GRAMD2B: variants seen among roughly 807,000 people sequenced by gnomAD.
GRAMD2B encodes the protein GRAM domain-containing protein 2B.
A neutral mutation model predicts 59.2 loss-of-function variants in GRAMD2B; 41 were observed. The ratio of observed to expected loss-of-function variants is 0.69; its 90% confidence interval spans 0.54 to 0.90. The LOEUF (loss-of-function observed/expected upper bound fraction) is 0.90. Among genes scored for constraint, GRAMD2B ranks in the 40% least tolerant of loss-of-function variants. The probability of loss-of-function intolerance (pLI) is 0.00; values close to 1 mark genes in which losing one functional copy is unlikely to be tolerated. For missense variants in GRAMD2B, 424 were observed against 500.5 expected (o/e 0.85, Z 1.46); for synonymous variants, 161 against 182.7 (o/e 0.88, Z 0.96).
At chr5:126,370,792 T>C (rs988802296), upstream of GRAMD2B, among the ~76,000 whole-genome samples, 1 of 152,242 alleles carries the variant, frequency 6.6e-6, no homozygotes, top group African/African-American at 2.4e-5. Context: ...TGTTACTGTT[T>C]GGGTACAAGT....
chr5:126,485,295 G>A (rs1173684265), intron 10 of GRAMD2B, among the ~76,000 whole-genome samples: 1 of 152,138 alleles, frequency 6.6e-6, no homozygotes, highest in East Asian at 1.9e-4. Context: ...AGGCTGCAAT[G>A]AGCTGTGATC....
upstream of GRAMD2B, among the ~76,000 whole-genome samples, chr5:126,368,431 T>C (rs1754569414): frequency 6.6e-6 from 1 of 152,216 alleles, no homozygotes. Flanking sequence ...CAAAACCTTA[T>C]TCCTATTTAA....
At chr5:126,407,022 G>A (rs1350946550) in intron 1 of GRAMD2B, among the ~76,000 whole-genome samples, 2 of 151,990 alleles carry the variant, frequency 1.3e-5, no homozygotes, top group African/African-American at 4.8e-5. Context: ...GACATCAATG[G>A]AGCAGAAGCT....
intron 1 of GRAMD2B, among the ~76,000 whole-genome samples, chr5:126,390,883 C>T (rs1756667845): frequency 6.6e-6 from 1 of 152,118 alleles, no homozygotes. Flanking sequence ...GAAACTGAGG[C>T]TTAAAAATAT....
chr5:126,390,245 C>T (rs990659238), intron 1 of GRAMD2B, among the ~76,000 whole-genome samples: 1 of 152,118 alleles, frequency 6.6e-6, no homozygotes, highest in South Asian at 2.1e-4. Flanking sequence ...TTTATTATGG[C>T]CCTAACCTGC....
At chr5:126,418,096 G>A (rs903744402) in intron 1 of GRAMD2B, among the ~76,000 whole-genome samples, 1 of 152,134 alleles carries the variant, frequency 6.6e-6, no homozygotes, top group Non-Finnish European at 1.5e-5. Context: ...TGAAATAGCA[G>A]CAGGAAATAG....
At chr5:126,414,717 C>T (rs1361054130) in intron 1 of GRAMD2B, among the ~76,000 whole-genome samples, 1 of 152,084 alleles carries the variant, frequency 6.6e-6, no homozygotes, top group Non-Finnish European at 1.5e-5. Context: ...GATCTTCCTA[C>T]CTCAGCCTCC....
At chr5:126,395,968 ACACTT>A (rs1757333314) in intron 1 of GRAMD2B, among the ~76,000 whole-genome samples, 1 of 152,204 alleles carries the variant, frequency 6.6e-6, no homozygotes, top group Admixed American at 6.5e-5. Flanking sequence ...TGTGATAAGA[ACACTT>A]AAGTCCACTA....
In GRAMD2B at chr5:126,483,826, T is replaced by A. The variant is rs1033132523; in HGVS notation, c.847+252T>A. Among the ~76,000 whole-genome samples the A allele has an allele frequency of 2.6e-5, 4 of 151,986 alleles. No homozygotes were observed. The East Asian group carries it at 7.7e-4, about 29-fold the overall frequency. ...CTTTTAAATAGACCTAACGTTGGGG[T>A]GGTTGAGAGAAAAAAACATACAATT... On this transcript the variant is annotated intron_variant, in intron 9 of 13. Transcript: ENST00000285689.
chr5:126,469,596 C>CTGCA, intron 2 of GRAMD2B, 81 bp from the exon 3 acceptor site: 1 of 880,042 alleles, frequency 1.1e-6, no homozygotes, highest in South Asian at 1.5e-5. Flanking sequence ...GATCATGCTG[C>CTGCA]TGCACTTCAG....
chr5:126,396,413 G>T (rs981630150), intron 1 of GRAMD2B, among the ~76,000 whole-genome samples: 1 of 152,148 alleles, frequency 6.6e-6, no homozygotes, highest in African/African-American at 2.4e-5. Context: ...CCAGTTATAA[G>T]TAAGAAAATG....
At chr5:126,414,900 G>T (rs1313696411) in intron 1 of GRAMD2B, among the ~76,000 whole-genome samples, 1 of 152,102 alleles carries the variant, frequency 6.6e-6, no homozygotes, top group Non-Finnish European at 1.5e-5. Context: ...TTAAGGTTTT[G>T]CAATTGGTTT....
intron 1 of GRAMD2B, among the ~76,000 whole-genome samples, chr5:126,397,377 A>G (rs764679095): frequency 1.3e-5 from 2 of 152,072 alleles, no homozygotes; most frequent in African/African-American, 2.4e-5. Context: ...GGCATGCACT[A>G]CCACGCCTGG....
chr5:126,483,531 T>C lies in GRAMD2B; in HGVS notation c.804T>C (p.Tyr268=), dbSNP rs1316586056. 22 of 1,612,622 alleles carry C rather than the reference T, an allele frequency of 1.4e-5. No homozygotes were observed. Among genetic ancestry groups the C allele is most frequent in the African/African-American group, 2.7e-5 (2 of 74,876 alleles). Residue 268 remains tyrosine, a synonymous_variant, in exon 9 of 14, where the codon TAT becomes TAC. Coordinates refer to ENST00000285689, the MANE Select transcript of GRAMD2B (RefSeq NM_023927.4). ...AAAGAAGGCAAGACATGGAAGGATA[T>C]AGCAGTTCTGGTTCTCAAACTCCTG... ...VQQRRQDMEG[Y]SSSGSQTPES... is the part of the protein sequence containing the mutation.
chr5:126,388,756 T>A (rs1756426184), intron 1 of GRAMD2B, among the ~76,000 whole-genome samples: 1 of 151,850 alleles, frequency 6.6e-6, no homozygotes, highest in South Asian at 2.1e-4. Flanking sequence ...TTTTCCTTCT[T>A]AAGAGAAAAA....
In GRAMD2B at chr5:126,360,157, G is replaced by A. The variant is rs114632099; in HGVS notation, c.-175G>A. ...TCTCACACATGTGGGTTTCAAGTGC[G>A]GCTGGTGCCATCCCTCTGAGCAGAC... is the stretch of plus-strand genomic sequence containing the variant. On this transcript the variant is annotated 5_prime_UTR_variant, in exon 1 of 14. Coordinates refer to the GRAMD2B transcript ENST00000513040. The A allele has an allele frequency of 1.0e-3, 659 of 628,542 alleles. 6 individuals carry two copies. The African/African-American group carries it at 0.011, about 10-fold the overall frequency. The allele number at this position is 628,542 out of a possible 1,614,324, so 38.9% of individuals were successfully genotyped here.
chr5:126,435,165 G>A (rs1248585000), intron 1 of GRAMD2B, among the ~76,000 whole-genome samples: 4 of 152,164 alleles, frequency 2.6e-5, no homozygotes, highest in Non-Finnish European at 4.4e-5. Flanking sequence ...CTTTAAGAGC[G>A]TCCAGTCTGG....
intron 1 of GRAMD2B, among the ~76,000 whole-genome samples, chr5:126,395,338 T>C (rs758779243): frequency 1.3e-5 from 2 of 152,224 alleles, no homozygotes; most frequent in Admixed American, 1.3e-4. Flanking sequence ...ATAAGATCGC[T>C]TTAATCTGAA....
chr5:126,427,870 A>G (rs1308900403), intron 1 of GRAMD2B, among the ~76,000 whole-genome samples: 1 of 152,212 alleles, frequency 6.6e-6, no homozygotes, highest in African/African-American at 2.4e-5. Context: ...GAAAGCTCCC[A>G]TTTAGCAAAA....
Sources: allele counts gnomAD v4.1 joint callset (sites outside exome capture counted in the v4.1 genomes callset), GRCh38; gene constraint gnomAD v4.1.1; transcripts MANE v1.5; gene names NCBI Gene and HGNC (gene_info 2026-07-23, HGNC 2026-07-21).